The following NFIB variants were observed in gnomAD, a reference collection of about 807,000 sequenced individuals.
NFIB encodes nuclear factor 1 B-type.
A neutral mutation model predicts 61.5 loss-of-function variants in NFIB; 11 were observed. The observed-to-expected ratio is 0.18, with a 90% CI of 0.11 to 0.30. The LOEUF (loss-of-function observed/expected upper bound fraction) is 0.30. Ranked by LOEUF, NFIB falls within the 10% of genes least tolerant of loss-of-function variation. The pLI is 1.00. For missense variants in NFIB, 471 were observed against 608.9 expected, an observed-to-expected ratio of 0.77 and a Z score of 2.38; for synonymous variants, 260 against 216.5, an observed-to-expected ratio of 1.20 and a Z score of -1.76.
chr9:14,530,370 C>A, the NFIB span, among the ~76,000 whole-genome samples: 7 of 151,804 alleles, frequency 4.6e-5, no homozygotes, highest in South Asian at 8.3e-4. Flanking sequence ...CTTGTAAAAT[C>A]TATTTCATCA....
chr9:14,395,202 C>T (rs1169192044), intron 1 of NFIB, among the ~76,000 whole-genome samples: 2 of 151,708 alleles, frequency 1.3e-5, no homozygotes, highest in East Asian at 3.9e-4. Flanking sequence ...CTAGCTACCC[C>T]ATCGCTGCTC....
chr9:14,486,633 T>C, the NFIB span, among the ~76,000 whole-genome samples: 1 of 152,108 alleles, frequency 6.6e-6, no homozygotes, highest in East Asian at 1.9e-4. Flanking sequence ...ATAGCAGGCC[T>C]TCCCCAGGTG....
intron 2 of NFIB, among the ~76,000 whole-genome samples, chr9:14,189,520 G>C (rs1323600743): frequency 6.6e-6 from 1 of 151,598 alleles, no homozygotes; most frequent in Non-Finnish European, 1.5e-5. Context: ...ATATGCACAA[G>C]TATTTTTGTG....
At chr9:14,522,245 T>G in the NFIB span, among the ~76,000 whole-genome samples, 75 of 152,324 alleles carry the variant, frequency 4.9e-4, no homozygotes, top group Middle Eastern at 3.4e-3. Context: ...CTCTGTTGGC[T>G]TTTTTCCCAC....
At chr9:14,357,241 T>C (rs991472089) in intron 1 of NFIB, 1 of 152,182 alleles carries the variant, frequency 6.6e-6, no homozygotes, top group Admixed American at 6.5e-5. Flanking sequence ...ATTTTTTTTT[T>C]CCTCTTCTTT....
At chr9:14,319,563 A>G (rs1459773172) in intron 1 of NFIB, among the ~76,000 whole-genome samples, 1 of 152,216 alleles carries the variant, frequency 6.6e-6, no homozygotes, top group Non-Finnish European at 1.5e-5. Context: ...AAAATAGCTG[A>G]CCTATAAAGT....
Position 14,088,247 on chromosome 9 carries a change from C to A in NFIB, c.*62G>T. 2 of 1,583,918 alleles carry A rather than the reference C, an allele frequency of 1.3e-6. No homozygotes were observed. The highest frequency in any genetic ancestry group is 1.7e-4 in the Middle Eastern group (1 of 6,000). ...AAAGGTTCTCCAATTATGTTCAAACCGTAATTTTGGACATTGGCCGGTAAG... is the reference window on the plus strand; with the variant it reads ...AAAGGTTCTCCAATTATGTTCAAACAGTAATTTTGGACATTGGCCGGTAAG... On this transcript the variant is annotated 3_prime_UTR_variant, in exon 11 of 11. Coordinates refer to ENST00000380953, the MANE Select transcript of NFIB (RefSeq NM_001190737.2).
rs936574282 is a variant in NFIB, at chr9:14,133,079, C to T, written c.926-7313G>A. Among the ~76,000 whole-genome samples, 3 of 152,102 alleles carry T rather than the reference C, an allele frequency of 2.0e-5. No homozygotes were observed. The East Asian group carries it at 5.8e-4, about 29-fold the overall frequency. On this transcript the variant is annotated intron_variant, in intron 6 of 10. Transcript: ENST00000380953. ...AGACAGTCCAATGGCTGGGATTTGACAAGATTATATTATATTGACAAGTTT... is the reference window on the plus strand; with the variant it reads ...AGACAGTCCAATGGCTGGGATTTGATAAGATTATATTATATTGACAAGTTT...
the NFIB span, among the ~76,000 whole-genome samples, chr9:14,529,737 A>AT: frequency 3.8e-4 from 58 of 152,330 alleles, 2 homozygotes; most frequent in African/African-American, 1.3e-3. Flanking sequence ...TTAAAACAGA[A>AT]TGGTCCCAAT....
intron 2 of NFIB, among the ~76,000 whole-genome samples, chr9:14,286,285 G>C (rs1476578397): frequency 6.6e-6 from 1 of 152,164 alleles, no homozygotes; most frequent in Non-Finnish European, 1.5e-5. Context: ...GAGGGTGCTA[G>C]GGCCACTCAG....
the NFIB span, among the ~76,000 whole-genome samples, chr9:14,497,608 C>T: frequency 6.6e-6 from 1 of 152,136 alleles, no homozygotes; most frequent in African/African-American, 2.4e-5. Flanking sequence ...TACAAATTGC[C>T]TCATAAGGAC....
At chr9:14,511,858 T>C in the NFIB span, among the ~76,000 whole-genome samples, 1 of 152,250 alleles carries the variant, frequency 6.6e-6, no homozygotes, top group Admixed American at 6.5e-5. Context: ...TGGATCTTCT[T>C]ATTTCTTTTA....
chr9:14,175,425 C>T (rs867887322), intron 3 of NFIB, among the ~76,000 whole-genome samples: 1 of 152,042 alleles, frequency 6.6e-6, no homozygotes, highest in East Asian at 1.9e-4. Context: ...CCACTCGCCT[C>T]GGCCTCCCAA....
intron 2 of NFIB, among the ~76,000 whole-genome samples, chr9:14,185,444 T>C (rs2047238916): frequency 6.6e-6 from 1 of 152,192 alleles, no homozygotes; most frequent in Non-Finnish European, 1.5e-5. Context: ...ACTTTAGCCT[T>C]TGGACTCCTT....
intron 6 of NFIB, among the ~76,000 whole-genome samples, chr9:14,130,036 T>C (rs544697050): frequency 6.6e-6 from 1 of 152,280 alleles, no homozygotes; most frequent in African/African-American, 2.4e-5. Context: ...TATAAATGAA[T>C]TGATTTTAGA....
At chr9:14,429,856 A>G in the NFIB span, among the ~76,000 whole-genome samples, 1 of 152,200 alleles carries the variant, frequency 6.6e-6, no homozygotes, top group Non-Finnish European at 1.5e-5. Context: ...TTTTCTATGC[A>G]TTGGCATATT....
chr9:14,270,544 G>A (rs2057515534), intron 2 of NFIB, among the ~76,000 whole-genome samples: 1 of 130,266 alleles, frequency 7.7e-6, no homozygotes, highest in Admixed American at 8.9e-5. Context: ...CTAGTGAAGG[G>A]GAGTGAGAGA....
intron 2 of NFIB, among the ~76,000 whole-genome samples, chr9:14,287,882 T>C (rs1221212422): frequency 2.6e-5 from 4 of 152,106 alleles, no homozygotes; most frequent in Non-Finnish European, 5.9e-5. Flanking sequence ...CAAAAAAGTA[T>C]AAATTTGCAT....
At chr9:14,282,115 A>G (rs1209621575) in intron 2 of NFIB, among the ~76,000 whole-genome samples, 4 of 152,220 alleles carry the variant, frequency 2.6e-5, no homozygotes, top group Admixed American at 2.6e-4. Context: ...AACTTCTGCT[A>G]CTATATAAAT....
Sources: gnomAD v4.1 joint callset for allele counts (sites outside exome capture counted in the v4.1 genomes callset) on GRCh38, gnomAD v4.1.1 for gene constraint, MANE v1.5 for transcripts, NCBI Gene and HGNC (gene_info 2026-07-23, HGNC 2026-07-21) for gene names.